Variants in CACNG2 observed in about 807,000 individuals in gnomAD.
The protein encoded by CACNG2 is voltage-dependent calcium channel gamma-2 subunit.
Under a neutral mutation model 25.9 loss-of-function variants are expected in CACNG2, and 3 were observed. That is an observed-to-expected ratio of 0.12 (90% confidence interval 0.05 to 0.30). The LOEUF (loss-of-function observed/expected upper bound fraction) is 0.30, where lower values mean the gene tolerates loss of function less well. Among genes scored for constraint, CACNG2 ranks in the 10% least tolerant of loss-of-function variants. CACNG2 has a pLI of 1.00. For synonymous variants in CACNG2, 167 were observed against 173.3 expected, an observed-to-expected ratio of 0.96 and a Z score of 0.29; for missense variants, 341 against 432.5, an observed-to-expected ratio of 0.79 and a Z score of 1.88.
At chr22:36,579,173 G>A (rs1935372385) in intron 2 of CACNG2, among the ~76,000 whole-genome samples, 1 of 152,044 alleles carries the variant, frequency 6.6e-6, no homozygotes, top group South Asian at 2.1e-4. Context: ...GGGAAGCCGA[G>A]GTGGGTGGAT....
At chr22:36,583,701 C>G (rs1360736498) in intron 2 of CACNG2, among the ~76,000 whole-genome samples, 1 of 152,230 alleles carries the variant, frequency 6.6e-6, no homozygotes, top group African/African-American at 2.4e-5. Context: ...CTCACCATCA[C>G]CATGGCTACA....
chr22:36,581,410 C>T (rs1271320701), intron 2 of CACNG2, among the ~76,000 whole-genome samples: 2 of 152,186 alleles, frequency 1.3e-5, no homozygotes, highest in Non-Finnish European at 2.9e-5. Context: ...CTTCCTTCTG[C>T]CAAGCCCTCC....
chr22:36,679,120 G>A (rs1937052986), intron 1 of CACNG2, among the ~76,000 whole-genome samples: 1 of 152,004 alleles, frequency 6.6e-6, no homozygotes, highest in Admixed American at 6.6e-5. Context: ...TTATCTGCCA[G>A]CATTTTGGAT....
At chr22:36,650,903 C>A (rs1353476444) in intron 1 of CACNG2, among the ~76,000 whole-genome samples, 2 of 152,192 alleles carry the variant, frequency 1.3e-5, no homozygotes, top group African/African-American at 4.8e-5. Context: ...AGTCACCTTT[C>A]TCTAGATATC....
intron 1 of CACNG2, among the ~76,000 whole-genome samples, chr22:36,592,700 TG>T (rs1935615253): frequency 6.6e-6 from 1 of 152,096 alleles, no homozygotes; most frequent in Non-Finnish European, 1.5e-5. Flanking sequence ...AGCTAAATGA[TG>T]GCTTGACTGG....
At chr22:36,674,619 G>A (rs528226070) in intron 1 of CACNG2, among the ~76,000 whole-genome samples, 7 of 152,132 alleles carry the variant, frequency 4.6e-5, no homozygotes, top group South Asian at 2.1e-4. Flanking sequence ...GTGAGCCACC[G>A]CACTTGGCCC....
At chr22:36,698,427 C>T (rs930803825) in intron 1 of CACNG2, among the ~76,000 whole-genome samples, 5 of 152,150 alleles carry the variant, frequency 3.3e-5, no homozygotes, top group South Asian at 2.1e-4. Flanking sequence ...AGAAGGCAAG[C>T]GTGTCTGGGA....
chr22:36,660,055 C>T (rs867049730), intron 1 of CACNG2, among the ~76,000 whole-genome samples: 3 of 152,330 alleles, frequency 2.0e-5, no homozygotes, highest in East Asian at 3.9e-4. Flanking sequence ...TCCTGGTACC[C>T]GCACAAGCCG....
intron 1 of CACNG2, among the ~76,000 whole-genome samples, chr22:36,659,353 G>A (rs968866521): frequency 5.3e-5 from 8 of 152,104 alleles, no homozygotes; most frequent in Admixed American, 5.2e-4. Flanking sequence ...CGACCCTGAT[G>A]CTACTTCTCA....
At chr22:36,619,081 A>G (rs1603501799) in intron 1 of CACNG2, among the ~76,000 whole-genome samples, 1 of 152,208 alleles carries the variant, frequency 6.6e-6, no homozygotes, top group Non-Finnish European at 1.5e-5. Flanking sequence ...TTGTGTGGCT[A>G]ATGTTATTAT....
At chr22:36,605,912 C>T (rs1935824257) in intron 1 of CACNG2, among the ~76,000 whole-genome samples, 1 of 152,174 alleles carries the variant, frequency 6.6e-6, no homozygotes, top group Non-Finnish European at 1.5e-5. Context: ...TCTGTCAACC[C>T]CAGAGTCCCT....
chr22:36,619,082 ATGT>A (rs1417120745), intron 1 of CACNG2, among the ~76,000 whole-genome samples: 1 of 152,196 alleles, frequency 6.6e-6, no homozygotes, highest in Non-Finnish European at 1.5e-5. Flanking sequence ...TGTGTGGCTA[ATGT>A]TATTATTTCT....
At position 36,566,414 on chromosome 22, in the gene CACNG2, G is replaced by A. The variant is rs770169924; in HGVS notation, c.375C>T (p.Ser125=). 23 of 1,613,938 alleles carry A rather than the reference G, an allele frequency of 1.4e-5. No homozygotes were observed. The highest frequency in any genetic ancestry group is 1.3e-4 in the East Asian group (6 of 44,896). Residue 125 remains serine (S), a synonymous_variant, in exon 3 of 4, where the codon AGC becomes AGT. Coordinates refer to ENST00000300105, the MANE Select transcript of CACNG2 (RefSeq NM_006078.5). ...LFMGGLCIAA[S]EFYKTRHNII... is the part of the protein sequence containing the mutation. ...TGTTGTGTCGAGTTTTGTAGAACTC[G>A]CTGGCTGCGATGCAGAGGCCACCCA... is the stretch of plus-strand genomic sequence containing the variant.
At chr22:36,623,219 C>T (rs913468970) in intron 1 of CACNG2, among the ~76,000 whole-genome samples, 2 of 151,658 alleles carry the variant, frequency 1.3e-5, no homozygotes, top group South Asian at 2.1e-4. Context: ...TGGGGTTTCA[C>T]CATGTTGGTC....
chr22:36,626,685 T>A (rs5756269), intron 1 of CACNG2, among the ~76,000 whole-genome samples: 10,717 of 152,218 alleles, frequency 0.07, 591 homozygotes, highest in East Asian at 0.25. Context: ...TTCTGTCTCT[T>A]CAATGGTTTG....
chr22:36,640,595 G>A (rs979701082), intron 1 of CACNG2, among the ~76,000 whole-genome samples: 11 of 152,160 alleles, frequency 7.2e-5, no homozygotes, highest in African/African-American at 2.4e-4. Flanking sequence ...CCTGCAGGAC[G>A]GGAACCATAA....
At chr22:36,676,668 A>G (rs1937024256) in intron 1 of CACNG2, among the ~76,000 whole-genome samples, 1 of 152,162 alleles carries the variant, frequency 6.6e-6, no homozygotes, top group African/African-American at 2.4e-5. Context: ...TCACTGTGAA[A>G]ATGTCAGCAT....
Position 36,566,445 on chromosome 22 carries a change from A to T in CACNG2, c.344T>A (p.Leu115His). The T allele has an allele frequency of 6.2e-7, 1 of 1,614,166 alleles. No individual in the cohort carries two copies. Among genetic ancestry groups the T allele is most frequent in the South Asian group, 1.1e-5 (1 of 91,088 alleles). ...TGCGATGCAGAGGCCACCCATGAAA[A>T]GCAGAATCACACTCAGGATTGGGAA... Reference protein sequence around the residue: ...SIFPILSVILLFMGGLCIAAS... With the variant: ...SIFPILSVILHFMGGLCIAAS... Residue 115 changes from leucine to histidine, a missense_variant, in exon 3 of 4, where the codon CTT (leucine) becomes CAT (histidine). Around this residue, in one of 2 missense-constraint regions of CACNG2, gnomAD observed 169 missense variants for 254.4 expected, o/e 0.66. Coordinates refer to ENST00000300105, the MANE Select transcript of CACNG2 (RefSeq NM_006078.5).
intron 2 of CACNG2, among the ~76,000 whole-genome samples, chr22:36,578,857 G>C (rs1935367598): frequency 6.6e-6 from 1 of 152,146 alleles, no homozygotes; most frequent in Non-Finnish European, 1.5e-5. Context: ...GTGGATGGGT[G>C]GGAGGAGGAC....
Sources: allele counts gnomAD v4.1 joint callset (sites outside exome capture counted in the v4.1 genomes callset), GRCh38; gene constraint gnomAD v4.1.1; regional missense constraint gnomAD v4.1.1; transcripts MANE v1.5; gene names NCBI Gene and HGNC (gene_info 2026-07-23, HGNC 2026-07-21).